Variants in PKHD1 observed in about 807,000 individuals in gnomAD.
PKHD1 encodes the protein fibrocystin.
In PKHD1, 291 loss-of-function variants were observed where a neutral mutation model predicts 412.0. The observed-to-expected ratio is 0.71, with a 90% confidence interval of 0.64 to 0.78. The LOEUF (loss-of-function observed/expected upper bound fraction) is 0.78. Among genes scored for constraint, PKHD1 ranks in the 30% least tolerant of loss-of-function variants. The pLI, the probability that PKHD1 is intolerant of heterozygous loss-of-function variation, is 0.00. For synonymous variants in PKHD1, 1,777 were observed against 1,821.5 expected, an observed-to-expected ratio of 0.98 and a Z score of 0.62; for missense variants, 4,825 against 4,950.7, an observed-to-expected ratio of 0.97 and a Z score of 0.76.
chr6:51,754,921 G>A lies in PKHD1; in HGVS notation c.8660C>T (p.Ala2887Val). 1 of 1,613,038 alleles carries A rather than the reference G, an allele frequency of 6.2e-7. No individual in the cohort carries two copies. Among genetic ancestry groups the A allele is most frequent in the African/African-American group, 1.3e-5 (1 of 74,962 alleles). Residue 2887 changes from alanine (A) to valine (V), a missense_variant, in exon 56 of 67, where the codon GCA becomes GTA. Ala to Val is a moderately conservative substitution (Grantham distance 64). Transcript: ENST00000371117. ...TTTGTCATGGGGGCGCCAATCCACTGCATCTTCTACTATAATTCTGTAACA... is the reference window on the plus strand; with the variant it reads ...TTTGTCATGGGGGCGCCAATCCACTACATCTTCTACTATAATTCTGTAACA... ...SGNERIIVED[A>V]VDWRPHDKIV...
At chr6:51,825,974 T>C (rs1249010691) in intron 52 of PKHD1, among the ~76,000 whole-genome samples, 1 of 152,192 alleles carries the variant, frequency 6.6e-6, no homozygotes, top group Non-Finnish European at 1.5e-5. Context: ...GGTTTCTAAT[T>C]GGTGTTGTAG....
intron 31 of PKHD1, among the ~76,000 whole-genome samples, chr6:52,027,033 C>T (rs558870486): frequency 1.3e-5 from 2 of 152,292 alleles, no homozygotes; most frequent in East Asian, 3.9e-4. Flanking sequence ...CTTGTTCTTC[C>T]ATCTCCCATA....
intron 55 of PKHD1, among the ~76,000 whole-genome samples, chr6:51,755,586 T>A (rs1786852056): frequency 6.6e-6 from 1 of 152,204 alleles, no homozygotes; most frequent in Non-Finnish European, 1.5e-5. Context: ...AAGACACACA[T>A]TTAATACAGT....
chr6:51,683,682 C>CG (rs1168247578), intron 60 of PKHD1, among the ~76,000 whole-genome samples: 3 of 151,792 alleles, frequency 2.0e-5, no homozygotes, highest in Non-Finnish European at 2.9e-5. Context: ...TGGTAAATTC[C>CG]GGGGGCAGTG....
chr6:51,896,771 A>G (rs1457239237), intron 43 of PKHD1, among the ~76,000 whole-genome samples: 1 of 151,250 alleles, frequency 6.6e-6, no homozygotes, highest in South Asian at 2.1e-4. Flanking sequence ...TTTGAAAAAA[A>G]TTTAGAAGAA....
chr6:51,796,749 T>G (rs1401819022), intron 52 of PKHD1, among the ~76,000 whole-genome samples: 4 of 152,184 alleles, frequency 2.6e-5, no homozygotes, highest in Non-Finnish European at 5.9e-5. Flanking sequence ...TTAATTTCAT[T>G]ATTTACTCAA....
chr6:51,772,802 G>A lies in PKHD1; in HGVS notation c.8555-13C>T. The A allele has an allele frequency of 7.0e-7, 1 of 1,431,144 alleles. No homozygotes were observed. The highest frequency in any genetic ancestry group is 9.9e-7 in the Non-Finnish European group (1 of 1,013,910). The allele number at this position is 1,431,144 out of a possible 1,614,324, so 88.7% of individuals were successfully genotyped here. On this transcript the variant is annotated splice_polypyrimidine_tract_variant and intron_variant, in intron 54 of 66. Coordinates refer to ENST00000371117, the MANE Select transcript of PKHD1 (RefSeq NM_138694.4). ...TTCCCATAAACCCCTGAAAATAAAA[G>A]GAGTAACAGTTGGATAGAAAAATCC...
At position 52,083,248 on chromosome 6, in the gene PKHD1, G is replaced by A. The variant is rs759338217; in HGVS notation, c.60C>T (p.His20=). The A allele has an allele frequency of 1.9e-6, 3 of 1,600,580 alleles. No individual in the cohort carries two copies. Among genetic ancestry groups the A allele is most frequent in the African/African-American group, 1.3e-5 (1 of 74,740 alleles). Residue 20 remains histidine (H), a synonymous_variant, in exon 3 of 67, where the codon CAC becomes CAT. Coordinates refer to ENST00000371117, the MANE Select transcript of PKHD1 (RefSeq NM_138694.4). ...CTTCAGGTTCAATATGTAAACTCAG[G>A]TGACGTACTGTAAGTAAGTGAAAAA... is the stretch of plus-strand genomic sequence containing the variant. ...SIEVLLLAVR[H]LSLHIEPEEG...
At chr6:51,815,446 C>T (rs1036902905) in intron 52 of PKHD1, among the ~76,000 whole-genome samples, 1 of 151,412 alleles carries the variant, frequency 6.6e-6, no homozygotes, top group Non-Finnish European at 1.5e-5. Flanking sequence ...AATAAATAAG[C>T]TGAAAGAGAG....
rs890456816 is a variant in PKHD1, at chr6:52,033,160, T to C, written c.3234A>G (p.Lys1078=). The part of the protein sequence containing the change: ...RIQCKVPPRG[K]DGRIVNVTVI... Reference sequence around the variant, plus strand: ...CAGTCACATTCACAATGCGTCCATCTTTCCCCTGAAAAATCAATTTTAAAA... The same window carrying C: ...CAGTCACATTCACAATGCGTCCATCCTTCCCCTGAAAAATCAATTTTAAAA... Residue 1078 remains lysine (K), a synonymous_variant, in exon 29 of 67, where the codon AAA becomes AAG. Transcript: ENST00000371117. 1 of 1,612,460 alleles carries C rather than the reference T, an allele frequency of 6.2e-7. No individual in the cohort carries two copies. Among genetic ancestry groups the C allele is most frequent in the African/African-American group, 1.3e-5 (1 of 74,914 alleles).
At chr6:51,928,535 C>G (rs1335626676) in intron 37 of PKHD1, among the ~76,000 whole-genome samples, 1 of 151,854 alleles carries the variant, frequency 6.6e-6, no homozygotes, top group Non-Finnish European at 1.5e-5. Context: ...AAGGGGAAAG[C>G]AGAAGTGAAA....
At chr6:51,964,132 C>A (rs535800872) in intron 35 of PKHD1, among the ~76,000 whole-genome samples, 33 of 152,138 alleles carry the variant, frequency 2.2e-4, no homozygotes, top group Non-Finnish European at 4.6e-4. Context: ...AGCATGTCAG[C>A]ACTTCTCTGA....
intron 60 of PKHD1, among the ~76,000 whole-genome samples, chr6:51,668,040 G>T (rs1220106875): frequency 6.6e-6 from 1 of 152,002 alleles, no homozygotes; most frequent in Non-Finnish European, 1.5e-5. Flanking sequence ...CTCTTTTTTG[G>T]TTCCATATGA....
intron 37 of PKHD1, among the ~76,000 whole-genome samples, chr6:51,913,282 T>C (rs934904395): frequency 1.3e-5 from 2 of 152,082 alleles, no homozygotes; most frequent in African/African-American, 4.8e-5. Flanking sequence ...CCCTTCAAAC[T>C]CTAAAAACTA....
At chr6:51,887,317 G>A in intron 43 of PKHD1, 72 bp from the exon 44 acceptor site, 1 of 911,316 alleles carries the variant, frequency 1.1e-6, no homozygotes, top group Non-Finnish European at 1.8e-6. Context: ...AAAGACTCTT[G>A]TTTGTACTCA....
At chr6:51,662,289 T>C (rs1347247161) in intron 60 of PKHD1, among the ~76,000 whole-genome samples, 2 of 151,802 alleles carry the variant, frequency 1.3e-5, no homozygotes, top group Non-Finnish European at 2.9e-5. Context: ...TAATACTGTA[T>C]GATATAATTA....
intron 21 of PKHD1, 141 bp from the exon 22 acceptor site, chr6:52,050,436 G>C (rs2128197358): frequency 3.5e-6 from 3 of 864,498 alleles, no homozygotes; most frequent in East Asian, 5.0e-5. Context: ...CTGCCATAAA[G>C]AACACATGGA....
intron 26 of PKHD1, 60 bp downstream of exon 26, chr6:52,043,565 A>T: frequency 8.2e-7 from 1 of 1,222,260 alleles, no homozygotes; most frequent in Non-Finnish European, 1.2e-6. Flanking sequence ...CATGGCCTCT[A>T]ACAAAATCAC....
At chr6:51,814,072 C>T (rs1220875316) in intron 52 of PKHD1, among the ~76,000 whole-genome samples, 1 of 152,196 alleles carries the variant, frequency 6.6e-6, no homozygotes, top group African/African-American at 2.4e-5. Flanking sequence ...TAAAAGCCCC[C>T]TTTAGCAGTT....
Sources: allele counts gnomAD v4.1 joint callset (sites outside exome capture counted in the v4.1 genomes callset), GRCh38; gene constraint gnomAD v4.1.1; transcripts MANE v1.5; gene names NCBI Gene and HGNC (gene_info 2026-07-23, HGNC 2026-07-21).